CEP97: variants seen among roughly 807,000 people sequenced by gnomAD.
CEP97 encodes the protein centrosomal protein of 97 kDa.
CEP97 carries 43 observed loss-of-function variants against 73.1 expected under a neutral mutation model. That is an observed-to-expected ratio of 0.59 (90% CI 0.46 to 0.76). The LOEUF is 0.76. Among genes scored for constraint, CEP97 ranks in the 30% least tolerant of loss-of-function variants. CEP97 has a pLI of 0.00. For synonymous variants in CEP97, 337 were observed against 370.0 expected (o/e 0.91, Z 1.02); for missense variants, 939 against 1,014.0 (o/e 0.93, Z 1.00).
intron 6 of CEP97, among the ~76,000 whole-genome samples, chr3:101,751,904 C>A (rs1380636401): frequency 6.6e-6 from 1 of 152,102 alleles, no homozygotes; most frequent in Non-Finnish European, 1.5e-5. Context: ...AGCATTTAGT[C>A]CATTTACATT....
intron 3 of CEP97, among the ~76,000 whole-genome samples, chr3:101,728,071 G>A (rs906518889): frequency 2.6e-5 from 4 of 152,108 alleles, no homozygotes; most frequent in Admixed American, 2.0e-4. Context: ...GGTAGCCTGC[G>A]AAGTAGATAT....
chr3:101,769,208 A>G lies in CEP97; in HGVS notation c.*3657A>G, dbSNP rs1469262346. On this transcript the variant is annotated 3_prime_UTR_variant, in exon 11 of 11. Transcript: ENST00000341893. ...AAAGTCTTAGAATTGGATTTATAAC[A>G]TTGATAATAAAAATATAAAACGTTT... 6.6e-6 allele frequency: 1 copy of G among 152,134 alleles called. No individual in the cohort carries two copies. Among genetic ancestry groups the G allele is most frequent in the Non-Finnish European group, 1.5e-5 (1 of 68,026 alleles). 9.4% of individuals were successfully genotyped at this position (152,134 alleles called of 1,614,324 possible).
chr3:101,741,705 A>G (rs565426804), intron 6 of CEP97, among the ~76,000 whole-genome samples: 1 of 152,310 alleles, frequency 6.6e-6, no homozygotes, highest in African/African-American at 2.4e-5. Context: ...CAAAACCACA[A>G]TGAGATACCA....
chr3:101,726,583 T>C lies in CEP97; in HGVS notation c.44-11T>C, dbSNP rs1319773572. 6.4e-7 allele frequency: 1 copy of C among 1,558,560 alleles called. No homozygotes were observed. The highest frequency in any genetic ancestry group is 1.2e-5 in the South Asian group (1 of 81,752). On this transcript the variant is annotated splice_polypyrimidine_tract_variant and intron_variant, in intron 1 of 10. Transcript: ENST00000341893. Reference sequence around the variant, plus strand: ...TATTTGTGTTTTCTAACATTTCCGTTTCTTTTCAAGGATCAGTGGTCAATT... The same window carrying C: ...TATTTGTGTTTTCTAACATTTCCGTCTCTTTTCAAGGATCAGTGGTCAATT...
intron 6 of CEP97, among the ~76,000 whole-genome samples, chr3:101,739,485 G>A (rs1475501324): frequency 6.6e-6 from 1 of 152,126 alleles, no homozygotes; most frequent in East Asian, 1.9e-4. Flanking sequence ...GATCAAATCG[G>A]CTTCATCCCT....
intron 6 of CEP97, among the ~76,000 whole-genome samples, chr3:101,742,933 T>G (rs1194814639): frequency 1.3e-5 from 2 of 152,124 alleles, no homozygotes; most frequent in African/African-American, 2.4e-5. Context: ...AATATCCTTA[T>G]AATCACTTCA....
intron 3 of CEP97, 85 bp downstream of exon 3, chr3:101,727,626 A>G (rs1937942181): frequency 5.1e-6 from 6 of 1,170,984 alleles, no homozygotes; most frequent in Non-Finnish European, 7.3e-6. Context: ...TAAAAAGTGA[A>G]AGTACCCACT....
intron 6 of CEP97, among the ~76,000 whole-genome samples, chr3:101,743,295 C>A (rs1364041388): frequency 6.6e-6 from 1 of 151,664 alleles, no homozygotes; most frequent in Non-Finnish European, 1.5e-5. Context: ...GTCGTAACTC[C>A]CCTCCTCACT....
chr3:101,724,763 G>A (rs1560005419), intron 1 of CEP97, 44 bp downstream of exon 1: 9 of 1,592,384 alleles, frequency 5.7e-6, no homozygotes, highest in Non-Finnish European at 7.8e-6. Flanking sequence ...ACTTCACGGA[G>A]CTGAATTAAA....
chr3:101,765,578 C>G lies in CEP97; in HGVS notation c.*27C>G, dbSNP rs776453554. 2.6e-6 allele frequency: 4 copies of G among 1,533,592 alleles called. No individual in the cohort carries two copies. Among genetic ancestry groups the G allele is most frequent in the Non-Finnish European group, 3.5e-6 (4 of 1,136,558 alleles). 95.0% of individuals were successfully genotyped at this position (1,533,592 alleles called of 1,614,324 possible). On this transcript the variant is annotated 3_prime_UTR_variant, in exon 11 of 11. Coordinates refer to ENST00000341893, the MANE Select transcript of CEP97 (RefSeq NM_024548.4). ...ATGTCTTTTGGGAGGCAGATATCCA[C>G]TTAACTTTTCTTAAAAATACTTTCA...
Position 101,765,200 on chromosome 3 carries a change from G to T in CEP97, c.2247G>T (p.Gly749=). The T allele has an allele frequency of 1.2e-6, 2 of 1,614,182 alleles. No individual in the cohort carries two copies. The highest frequency in any genetic ancestry group is 1.7e-6 in the Non-Finnish European group (2 of 1,180,012). The change falls in exon 11 of 11, where the codon GGG becomes GGT. Residue 749 remains glycine, a synonymous_variant. Transcript: ENST00000341893. ...TVRYGKESDL[G]DVSEEHGEWN... is the part of the protein sequence containing the mutation. Reference sequence around the variant, plus strand: ...GATATGGCAAAGAATCAGATTTAGGGGATGTTAGTGAAGAACATGGTGAAT... The same window carrying T: ...GATATGGCAAAGAATCAGATTTAGGTGATGTTAGTGAAGAACATGGTGAAT...
intron 6 of CEP97, among the ~76,000 whole-genome samples, chr3:101,741,233 G>C (rs1388068057): frequency 1.3e-5 from 2 of 152,086 alleles, no homozygotes; most frequent in Non-Finnish European, 2.9e-5. Flanking sequence ...ACTGAAATTG[G>C]ACCCCTTCCA....
At position 101,727,497 on chromosome 3, in the gene CEP97, C is replaced by T. The variant is rs371067404; in HGVS notation, c.301C>T (p.Leu101=). The T allele has an allele frequency of 1.2e-6, 2 of 1,612,446 alleles. No individual in the cohort carries two copies. The highest frequency in any genetic ancestry group is 2.7e-5 in the African/African-American group (2 of 74,832). The change falls in exon 3 of 11, where the codon CTA becomes TTA. Residue 101 remains leucine (L), a synonymous_variant. Transcript: ENST00000341893. ...SIGCVEGLKE[L]VHLEWLNLAG... Reference sequence around the variant, plus strand: ...TGGCTGTGTGGAAGGGCTAAAGGAACTAGTACATCTGGAATGGCTGAATTT... The same window carrying T: ...TGGCTGTGTGGAAGGGCTAAAGGAATTAGTACATCTGGAATGGCTGAATTT...
intron 10 of CEP97, chr3:101,763,062 T>C (rs1424548017): frequency 8.1e-7 from 1 of 1,233,194 alleles, no homozygotes; most frequent in Admixed American, 2.5e-5. Context: ...TTGATGATAA[T>C]TTCTTGAAAA....
chr3:101,744,697 CTTTAAA>C, intron 6 of CEP97, among the ~76,000 whole-genome samples: 1 of 152,110 alleles, frequency 6.6e-6, no homozygotes, highest in Non-Finnish European at 1.5e-5. Flanking sequence ...TGCTCCCATG[CTTTAAA>C]ACAACTCTGG....
intron 4 of CEP97, among the ~76,000 whole-genome samples, chr3:101,730,571 T>G (rs927636599): frequency 8.7e-6 from 1 of 115,390 alleles, no homozygotes; most frequent in African/African-American, 3.0e-5. Flanking sequence ...GTCCCAAGTC[T>G]GGATTTTTTT....
At chr3:101,727,612 A>G in intron 3 of CEP97, 71 bp downstream of exon 3, 1 of 1,438,924 alleles carries the variant, frequency 6.9e-7, no homozygotes, top group South Asian at 1.4e-5. Context: ...GAAATAAGTC[A>G]AATTAAAAAG....
At position 101,768,894 on chromosome 3, in the gene CEP97, T is replaced by C. The variant is rs1233234500; in HGVS notation, c.*3343T>C. The C allele has an allele frequency of 1.3e-5, 2 of 152,202 alleles. No homozygotes were observed. Among genetic ancestry groups the C allele is most frequent in the African/African-American group, 4.8e-5 (2 of 41,434 alleles). 9.4% of individuals were successfully genotyped at this position (152,202 alleles called of 1,614,324 possible). On this transcript the variant is annotated 3_prime_UTR_variant, in exon 11 of 11. Coordinates refer to ENST00000341893, the MANE Select transcript of CEP97 (RefSeq NM_024548.4). ...GTTGATAATATGCAATTTAGTTTGA[T>C]TTTATAGGTTTAATTATAAAAGGCT...
chr3:101,743,322 T>A (rs1938512981), intron 6 of CEP97, among the ~76,000 whole-genome samples: 1 of 152,114 alleles, frequency 6.6e-6, no homozygotes, highest in African/African-American at 2.4e-5. Context: ...AACTTTATGG[T>A]AACTTTTTAA....
Sources: gnomAD v4.1 joint callset for allele counts (sites outside exome capture counted in the v4.1 genomes callset) on GRCh38, gnomAD v4.1.1 for gene constraint, MANE v1.5 for transcripts, NCBI Gene and HGNC (gene_info 2026-07-23, HGNC 2026-07-21) for gene names.